Variants in HERC1 observed in about 807,000 individuals in gnomAD.
HERC1 encodes HECT and RLD domain containing E3 ubiquitin protein ligase family member 1.
In HERC1, 160 loss-of-function variants were observed where a neutral mutation model predicts 554.3. That is an observed-to-expected ratio of 0.29 (90% CI 0.25 to 0.33). HERC1 has a LOEUF of 0.33. HERC1 is among the 10% of genes least tolerant of loss of function. HERC1 has a pLI of 1.00. For missense variants in HERC1, 4,919 were observed against 5,918.5 expected, an observed-to-expected ratio of 0.83 and a Z score of 5.54; for synonymous variants, 2,175 against 2,131.7, an observed-to-expected ratio of 1.02 and a Z score of -0.56.
chr15:63,648,080 C>G lies in HERC1; in HGVS notation c.10867G>C (p.Asp3623His), dbSNP rs2069452040. Residue 3623 changes from aspartate (D) to histidine (H), a missense_variant, in exon 55 of 78, where the codon GAT becomes CAT. Asp to His is a moderately conservative substitution (Grantham distance 81). Coordinates refer to ENST00000443617, the MANE Select transcript of HERC1 (RefSeq NM_003922.4). ...PLEKGGIVLI[D>H]AHKDTLISMK... ...AAAGATGCATTTACCTTATGTGCAT[C>G]AATTAGAACAATGCCTCCTTTCTCA... 6.4e-7 allele frequency: 1 copy of G among 1,556,734 alleles called. No individual in the cohort carries two copies.
At chr15:63,786,059 A>G (rs1405992303) in intron 1 of HERC1, among the ~76,000 whole-genome samples, 2 of 152,104 alleles carry the variant, frequency 1.3e-5, no homozygotes, top group East Asian at 1.9e-4. Context: ...AACAAAATTA[A>G]GAAAAAAAAG....
chr15:63,827,716 T>C (rs1013946963), intron 1 of HERC1, among the ~76,000 whole-genome samples: 5 of 152,140 alleles, frequency 3.3e-5, no homozygotes, highest in Non-Finnish European at 7.3e-5. Flanking sequence ...GCATTATTCA[T>C]AACAGCTAAG....
intron 74 of HERC1, among the ~76,000 whole-genome samples, chr15:63,621,315 A>G (rs1352210857): frequency 6.6e-6 from 1 of 152,186 alleles, no homozygotes; most frequent in East Asian, 1.9e-4. Context: ...AATGTTGAAT[A>G]TTGGCCCCCA....
chr15:63,651,234 G>C lies in HERC1; in HGVS notation c.10546+19C>G, dbSNP rs778669398. On this transcript the variant is annotated intron_variant, in intron 53 of 77. Coordinates refer to ENST00000443617, the MANE Select transcript of HERC1 (RefSeq NM_003922.4). ...AAAAACTACTTTCAGCAGTTTACTA[G>C]TGTTTACATGACTCTTACCATTAAC... 1 of 1,612,394 alleles carries C rather than the reference G, an allele frequency of 6.2e-7. No individual in the cohort carries two copies. The highest frequency in any genetic ancestry group is 1.7e-5 in the Admixed American group (1 of 59,846).
At chr15:63,816,229 T>C (rs1302515991) in intron 1 of HERC1, among the ~76,000 whole-genome samples, 2 of 152,200 alleles carry the variant, frequency 1.3e-5, no homozygotes, top group East Asian at 3.8e-4. Context: ...TTACTGTAAG[T>C]CTTTTACATG....
intron 67 of HERC1, 49 bp from the exon 68 acceptor site, chr15:63,632,860 ACT>A: frequency 2.3e-6 from 3 of 1,323,128 alleles, no homozygotes; most frequent in Non-Finnish European, 3.2e-6. Flanking sequence ...AAAAAAAATC[ACT>A]CTTGAATTTG....
intron 19 of HERC1, among the ~76,000 whole-genome samples, chr15:63,720,677 T>C (rs537502241): frequency 5.9e-4 from 90 of 152,294 alleles, no homozygotes; most frequent in African/African-American, 2.1e-3. Context: ...CAGAGAATCT[T>C]AGAATGACAA....
intron 64 of HERC1, 89 bp downstream of exon 64, chr15:63,637,416 G>C: frequency 9.2e-7 from 1 of 1,082,106 alleles, no homozygotes; most frequent in Non-Finnish European, 1.3e-6. Flanking sequence ...ATTTTATCTA[G>C]CAAAGGTTTG....
intron 26 of HERC1, among the ~76,000 whole-genome samples, chr15:63,697,999 T>C (rs2072520755): frequency 6.6e-6 from 1 of 152,194 alleles, no homozygotes; most frequent in African/African-American, 2.4e-5. Flanking sequence ...ACATCTTATG[T>C]CTCTTTCAAG....
At chr15:63,645,157 T>C in intron 56 of HERC1, 60 bp from the exon 57 acceptor site, 1 of 1,224,990 alleles carries the variant, frequency 8.2e-7, no homozygotes, top group Non-Finnish European at 1.2e-6. Context: ...TAAAAATATT[T>C]CCGAATTGCA....
intron 1 of HERC1, among the ~76,000 whole-genome samples, chr15:63,811,072 C>T (rs1291645614): frequency 2.0e-5 from 3 of 151,812 alleles, no homozygotes; most frequent in Non-Finnish European, 2.9e-5. Context: ...GAAACATAAA[C>T]ACCAAAAGCA....
rs376973876 is a variant in HERC1 at position 63,638,472 on chromosome 15, G to A, written c.12032C>T (p.Ala4011Val). Residue 4011 changes from alanine (A) to valine (V), a missense_variant, in exon 63 of 78, where the codon GCA becomes GTA. Ala to Val is a moderately conservative substitution (Grantham distance 64, BLOSUM62 0). This residue lies in a region of HERC1 where 122 missense variants were observed against 195.2 expected (regional missense o/e 0.63). Coordinates refer to ENST00000443617, the MANE Select transcript of HERC1 (RefSeq NM_003922.4). Reference sequence around the variant, plus strand: ...TACCATTACATTTCTTCCAGCTTCTGCCAGCTGTCCATGCCTACCAGCACC... The same window carrying A: ...TACCATTACATTTCTTCCAGCTTCTACCAGCTGTCCATGCCTACCAGCACC... ...LWGAGRHGQLAEAGRNVMVPA... is the reference protein window; with the variant it reads ...LWGAGRHGQLVEAGRNVMVPA... 139 of 1,613,688 alleles carry A rather than the reference G, an allele frequency of 8.6e-5. No homozygotes were observed. The highest frequency in any genetic ancestry group is 1.2e-4 in the Non-Finnish European group (136 of 1,179,796).
intron 3 of HERC1, among the ~76,000 whole-genome samples, chr15:63,763,373 G>C (rs2075672334): frequency 6.6e-6 from 1 of 152,108 alleles, no homozygotes; most frequent in African/African-American, 2.4e-5. Flanking sequence ...ACCTGAGACT[G>C]ATCAAGCCTC....
In HERC1 at chr15:63,768,244, A is replaced by T. The variant is rs531794337; in HGVS notation, c.931-4053T>A. Among the ~76,000 whole-genome samples, 3 of 152,334 alleles carry T rather than the reference A, an allele frequency of 2.0e-5. 1 individual carries two copies. In the East Asian group the frequency reaches 5.8e-4, roughly 29 times the overall value. On this transcript the variant is annotated intron_variant, in intron 2 of 77. Coordinates refer to ENST00000443617, the MANE Select transcript of HERC1 (RefSeq NM_003922.4). ...TTAATTATTTAGGATGTTGCTTCTC[A>T]AATTTCAATGTTGACACGAATTACC...
At chr15:63,798,592 C>G (rs2076882515) in intron 1 of HERC1, among the ~76,000 whole-genome samples, 1 of 149,596 alleles carries the variant, frequency 6.7e-6, no homozygotes, top group African/African-American at 2.5e-5. Context: ...AACTTGAAAA[C>G]TAGTGCTTTC....
At chr15:63,809,260 A>G (rs2077226132) in intron 1 of HERC1, among the ~76,000 whole-genome samples, 1 of 152,226 alleles carries the variant, frequency 6.6e-6, no homozygotes, top group Non-Finnish European at 1.5e-5. Context: ...AACCCCTAGT[A>G]TATTCTAATG....
intron 77 of HERC1, among the ~76,000 whole-genome samples, chr15:63,611,223 G>A (rs920956382): frequency 7.9e-5 from 12 of 152,226 alleles, no homozygotes; most frequent in Admixed American, 2.6e-4. Context: ...GTATCAAGAC[G>A]TCACATCAGA....
intron 1 of HERC1, among the ~76,000 whole-genome samples, chr15:63,806,903 G>A (rs955380379): frequency 1.4e-4 from 21 of 152,046 alleles, no homozygotes; most frequent in South Asian, 4.2e-4. Flanking sequence ...ATGCGCCACC[G>A]CGCCCGGCTA....
chr15:63,804,722 G>A (rs2144962477), intron 1 of HERC1, among the ~76,000 whole-genome samples: 1 of 152,116 alleles, frequency 6.6e-6, no homozygotes, highest in African/African-American at 2.4e-5. Context: ...CGTGTATCAA[G>A]AATATATAAA....
Sources: allele counts gnomAD v4.1 joint callset (sites outside exome capture counted in the v4.1 genomes callset), GRCh38; gene constraint gnomAD v4.1.1; regional missense constraint gnomAD v4.1.1; transcripts MANE v1.5; gene names NCBI Gene and HGNC (gene_info 2026-07-23, HGNC 2026-07-21).